The following JMY variants were observed in gnomAD, a reference collection of about 807,000 sequenced individuals.
JMY encodes junction mediating and regulatory protein, p53 cofactor.
JMY carries 46 observed loss-of-function variants against 103.3 expected under a neutral mutation model. The observed-to-expected ratio is 0.45, with a 90% CI of 0.35 to 0.57. The LOEUF is 0.57. Among genes scored for constraint, JMY ranks in the 20% least tolerant of loss-of-function variants. JMY has a pLI of 0.00. For synonymous variants in JMY, 526 were observed against 489.3 expected (o/e 1.07, Z -0.99); for missense variants, 1,238 against 1,255.2 (o/e 0.99, Z 0.21).
chr5:79,266,782 C>T (rs890843595), intron 1 of JMY, among the ~76,000 whole-genome samples: 1 of 152,110 alleles, frequency 6.6e-6, no homozygotes, highest in African/African-American at 2.4e-5. Context: ...CTATTAAAAA[C>T]AAATAATAGA....
chr5:79,253,498 T>A (rs760601645), intron 1 of JMY, among the ~76,000 whole-genome samples: 22 of 152,162 alleles, frequency 1.4e-4, no homozygotes, highest in Non-Finnish European at 2.9e-4. Flanking sequence ...TTCACCGTGT[T>A]AGCCAGGATA....
At chr5:79,281,876 T>G (rs1746127186) in intron 2 of JMY, among the ~76,000 whole-genome samples, 1 of 152,152 alleles carries the variant, frequency 6.6e-6, no homozygotes, top group Non-Finnish European at 1.5e-5. Context: ...GGAAAAGACA[T>G]CTAACACAAA....
chr5:79,300,334 A>C lies in JMY; in HGVS notation c.1693+16A>C. 2 of 1,500,938 alleles carry C rather than the reference A, an allele frequency of 1.3e-6. No homozygotes were observed. The highest frequency in any genetic ancestry group is 2.8e-5 in the South Asian group (2 of 72,136). The allele number at this position is 1,500,938 out of a possible 1,614,324, so 93.0% of individuals were successfully genotyped here. On this transcript the variant is annotated intron_variant, in intron 5 of 10. Coordinates refer to ENST00000396137, the MANE Select transcript of JMY (RefSeq NM_152405.5). ...CTTATATCAGGTATGGCGTGCATTT[A>C]ACCACATAAGTTCACCAAAGATTGA...
chr5:79,309,152 C>A (rs1746972093), intron 7 of JMY, among the ~76,000 whole-genome samples: 1 of 151,960 alleles, frequency 6.6e-6, no homozygotes, highest in African/African-American at 2.4e-5. Context: ...ATTTCTCTTT[C>A]TTATTGCATT....
intron 1 of JMY, among the ~76,000 whole-genome samples, chr5:79,256,047 A>G (rs1478736461): frequency 6.6e-6 from 1 of 152,216 alleles, no homozygotes; most frequent in African/African-American, 2.4e-5. Context: ...CAGGTCCCTG[A>G]TGGGTCCTTT....
chr5:79,281,931 T>C (rs1005947989), intron 2 of JMY, among the ~76,000 whole-genome samples: 1 of 152,066 alleles, frequency 6.6e-6, no homozygotes, highest in Non-Finnish European at 1.5e-5. Context: ...CTAGGCCAGG[T>C]GTAGTGGCTC....
chr5:79,326,571 T>C lies in JMY; in HGVS notation c.*4969T>C, dbSNP rs1021478836. ...CTCCATTGTTTCATTGAATTTCTCATTGTATTATATGTCTTTCCAAGTGTG... is the reference window on the plus strand; with the variant it reads ...CTCCATTGTTTCATTGAATTTCTCACTGTATTATATGTCTTTCCAAGTGTG... On this transcript the variant is annotated 3_prime_UTR_variant, in exon 11 of 11. Transcript: ENST00000396137. 14 of 152,194 alleles carry C rather than the reference T, an allele frequency of 9.2e-5. No homozygotes were observed. The highest frequency in any genetic ancestry group is 3.1e-4 in the African/African-American group (13 of 41,468). The allele number at this position is 152,194 out of a possible 1,614,324, so 9.4% of individuals were successfully genotyped here.
At chr5:79,257,291 A>C (rs920606764) in intron 1 of JMY, among the ~76,000 whole-genome samples, 1 of 152,114 alleles carries the variant, frequency 6.6e-6, no homozygotes, top group Non-Finnish European at 1.5e-5. Flanking sequence ...CCCTATAGAA[A>C]GTCATTTCTG....
At position 79,272,430 on chromosome 5, in the gene JMY, TTTC is replaced by T. The variant is rs201889103; in HGVS notation, c.1033-5477_1033-5475del. On this transcript the variant is annotated intron_variant, in intron 1 of 10. Transcript: ENST00000396137. ...TATCTTCTGTTTTGGTTTCCTTTTT[TTTC>T]TTTTCTTTTTTTTGACATAGAGGTA... 3.1e-3 allele frequency among the ~76,000 whole-genome samples: 472 copies of T among 152,270 alleles called. 1 individual carries two copies. The highest frequency in any genetic ancestry group is 3.8e-3 in the Non-Finnish European group (258 of 68,028).
chr5:79,304,206 C>A (rs1289974176), intron 6 of JMY, among the ~76,000 whole-genome samples: 1 of 152,026 alleles, frequency 6.6e-6, no homozygotes, highest in East Asian at 1.9e-4. Context: ...GGCAGAACTG[C>A]AGAGGGAAGG....
chr5:79,257,728 A>C (rs1004665338), intron 1 of JMY, among the ~76,000 whole-genome samples: 3 of 152,158 alleles, frequency 2.0e-5, no homozygotes. Context: ...CATGCCCCTT[A>C]AAGTGCATTG....
chr5:79,276,613 A>G (rs1347157084), intron 1 of JMY, among the ~76,000 whole-genome samples: 3 of 151,506 alleles, frequency 2.0e-5, no homozygotes, highest in Non-Finnish European at 4.4e-5. Context: ...CTAAGATTAA[A>G]TTATTGTTTT....
At chr5:79,307,284 G>T (rs1170241650) in intron 7 of JMY, among the ~76,000 whole-genome samples, 1 of 152,184 alleles carries the variant, frequency 6.6e-6, no homozygotes, top group Non-Finnish European at 1.5e-5. Flanking sequence ...ATGCTGGAGA[G>T]TATGGTAAGA....
Position 79,322,086 on chromosome 5 carries a change from T to C in JMY, c.*484T>C, listed in dbSNP as rs1051320097. 1.3e-5 allele frequency: 2 copies of C among 152,212 alleles called. No homozygotes were observed. Among genetic ancestry groups the C allele is most frequent in the Non-Finnish European group, 2.9e-5 (2 of 68,026 alleles). 9.4% of individuals were successfully genotyped at this position (152,212 alleles called of 1,614,324 possible). The stretch of plus-strand genomic sequence containing the variant: ...GACACTCTGAGAAAGTTTATCATCA[T>C]GATAGCTGTAAGTCAGGCATTAAAA... On this transcript the variant is annotated 3_prime_UTR_variant, in exon 11 of 11. Coordinates refer to ENST00000396137, the MANE Select transcript of JMY (RefSeq NM_152405.5).
chr5:79,313,469 A>C (rs1299475089), intron 8 of JMY, among the ~76,000 whole-genome samples: 1 of 152,134 alleles, frequency 6.6e-6, no homozygotes, highest in Admixed American at 6.6e-5. Flanking sequence ...TATATATAAG[A>C]GTTCTACCAG....
intron 1 of JMY, among the ~76,000 whole-genome samples, chr5:79,269,889 A>G (rs1427625855): frequency 1.3e-5 from 2 of 151,866 alleles, no homozygotes; most frequent in Non-Finnish European, 2.9e-5. Flanking sequence ...TACCGTGTCC[A>G]GCTAATTAAA....
At chr5:79,248,008 T>A (rs1017330931) in intron 1 of JMY, among the ~76,000 whole-genome samples, 5 of 151,840 alleles carry the variant, frequency 3.3e-5, no homozygotes, top group African/African-American at 1.2e-4. Context: ...TTCTTCTGCC[T>A]CTGCCTCCTG....
At chr5:79,299,505 G>T (rs1442312764) in intron 4 of JMY, among the ~76,000 whole-genome samples, 1 of 151,316 alleles carries the variant, frequency 6.6e-6, no homozygotes, top group African/African-American at 2.4e-5. Context: ...CCTCACAGAA[G>T]ACCATCCTTC....
At chr5:79,290,018 C>G (rs1220322776) in intron 2 of JMY, 103 bp from the exon 3 acceptor site, 5 of 743,946 alleles carry the variant, frequency 6.7e-6, no homozygotes, top group Non-Finnish European at 1.0e-5. Flanking sequence ...TCCTCTTGAG[C>G]AGGGAAGAAC....
Sources: allele counts gnomAD v4.1 joint callset (sites outside exome capture counted in the v4.1 genomes callset), GRCh38; gene constraint gnomAD v4.1.1; transcripts MANE v1.5; gene names NCBI Gene and HGNC (gene_info 2026-07-23, HGNC 2026-07-21).